Variants in RALGAPA2 observed in about 807,000 individuals in gnomAD.
RALGAPA2 encodes the protein Ral GTPase activating protein catalytic subunit alpha 2, also known as ral GTPase-activating protein subunit alpha-2.
A neutral mutation model predicts 230.4 loss-of-function variants in RALGAPA2; 139 were observed. That is an observed-to-expected ratio of 0.60 (90% CI 0.53 to 0.69). The LOEUF (loss-of-function observed/expected upper bound fraction) is 0.69. Among genes scored for constraint, RALGAPA2 ranks in the 30% least tolerant of loss-of-function variants. The pLI is 0.00. For missense variants in RALGAPA2, 2,163 were observed against 2,276.0 expected, an observed-to-expected ratio of 0.95 and a Z score of 1.01; for synonymous variants, 847 against 837.8, an observed-to-expected ratio of 1.01 and a Z score of -0.19.
rs867226299 is a variant in RALGAPA2 at position 20,575,405 on chromosome 20, G to T, written c.2708-2337C>A. ...CCTCAGATATATGTATGTTGAGTTT[G>T]TTTTTTTTTTTTTTCCTGGAATTCA... is the stretch of plus-strand genomic sequence containing the variant. On this transcript the variant is annotated intron_variant, in intron 20 of 39. Transcript: ENST00000202677. Among the ~76,000 whole-genome samples, 1,177 of 138,946 alleles carry T rather than the reference G, an allele frequency of 8.5e-3. 17 individuals carry two copies. Among genetic ancestry groups the T allele is most frequent in the South Asian group, 0.063 (273 of 4,308 alleles). The allele number at this position is 138,946 out of a possible 152,430, so 91.2% of individuals were successfully genotyped here. A position where few individuals can be genotyped will look rare whatever the true frequency, so the allele number is the denominator to read the frequency against.
intron 1 of RALGAPA2, among the ~76,000 whole-genome samples, chr20:20,710,095 T>C (rs1023861682): frequency 6.6e-6 from 1 of 152,154 alleles, no homozygotes. Context: ...GCTCAAGTCA[T>C]GAAGCTGCAG....
intron 3 of RALGAPA2, among the ~76,000 whole-genome samples, chr20:20,662,346 C>T (rs7265216): frequency 0.011 from 1,687 of 151,764 alleles, 30 homozygotes; most frequent in African/African-American, 0.039. Context: ...TTTTAACACT[C>T]GAGTTAAAAA....
At position 20,459,407 on chromosome 20, in the gene RALGAPA2, G is replaced by A. The variant is rs372636013; in HGVS notation, c.5495+13422C>T. ...CAGTATATGCACTACTGAATGGCAT[G>A]CTTAAGAGGTTTTTTTGCTTTTTTT... On this transcript the variant is annotated intron_variant, in intron 37 of 39. Coordinates refer to ENST00000202677, the MANE Select transcript of RALGAPA2 (RefSeq NM_020343.4). Among the ~76,000 whole-genome samples, 21 of 150,360 alleles carry A rather than the reference G, an allele frequency of 1.4e-4. No homozygotes were observed. The East Asian group carries it at 2.3e-3, about 17-fold the overall frequency.
chr20:20,541,362 A>G (rs2063637333), intron 24 of RALGAPA2, among the ~76,000 whole-genome samples: 1 of 152,206 alleles, frequency 6.6e-6, no homozygotes, highest in Admixed American at 6.5e-5. Flanking sequence ...TTAATTTATA[A>G]ATTAGGCAGA....
Position 20,531,717 on chromosome 20 carries a change from C to T in RALGAPA2, c.3552G>A (p.Glu1184=), listed in dbSNP as rs763632626. Residue 1184 remains glutamate, a synonymous_variant, in exon 27 of 40, where the codon GAG becomes GAA. Coordinates refer to ENST00000202677, the MANE Select transcript of RALGAPA2 (RefSeq NM_020343.4). ...AQCTSHPQVK[E]AINVIGVTLK... ...GAGTTACTCCTATCACATTGATGGC[C>T]TCTTTCACCTGAGGGTGGCTTGTAC... 1.1e-5 allele frequency: 18 copies of T among 1,607,808 alleles called. No homozygotes were observed. The Admixed American group carries it at 2.5e-4, about 23-fold the overall frequency.
intron 37 of RALGAPA2, among the ~76,000 whole-genome samples, chr20:20,460,027 C>T (rs2061264952): frequency 6.6e-6 from 1 of 152,208 alleles, no homozygotes; most frequent in African/African-American, 2.4e-5. Context: ...TCACCTCTGC[C>T]TGCCCTCTAC....
chr20:20,665,198 T>A (rs2067920555), intron 3 of RALGAPA2, among the ~76,000 whole-genome samples: 1 of 152,190 alleles, frequency 6.6e-6, no homozygotes, highest in Admixed American at 6.5e-5. Context: ...ATAAACATGC[T>A]CAGGTTTCAG....
At chr20:20,530,937 C>T (rs2063352203) in intron 27 of RALGAPA2, among the ~76,000 whole-genome samples, 1 of 152,176 alleles carries the variant, frequency 6.6e-6, no homozygotes, top group Non-Finnish European at 1.5e-5. Flanking sequence ...TTTATTACCA[C>T]CATTTCCAAG....
intron 37 of RALGAPA2, among the ~76,000 whole-genome samples, chr20:20,454,463 T>G (rs979854308): frequency 2.0e-5 from 3 of 152,234 alleles, no homozygotes; most frequent in African/African-American, 7.2e-5. Context: ...AAACCCTGGT[T>G]CAAACTTGTC....
chr20:20,534,300 C>T (rs1444803596), intron 26 of RALGAPA2, among the ~76,000 whole-genome samples: 1 of 152,096 alleles, frequency 6.6e-6, no homozygotes, highest in East Asian at 1.9e-4. Context: ...AAAAAATTAG[C>T]CGGGCATGGT....
chr20:20,422,666 T>A (rs1245388700), intron 37 of RALGAPA2, among the ~76,000 whole-genome samples: 1 of 152,090 alleles, frequency 6.6e-6, no homozygotes, highest in East Asian at 1.9e-4. Context: ...ACTGAACACA[T>A]GAGAGAACAA....
intron 37 of RALGAPA2, 131 bp from the exon 38 acceptor site, chr20:20,412,279 G>T: frequency 7.9e-7 from 1 of 1,261,236 alleles, no homozygotes; most frequent in Non-Finnish European, 1.1e-6. Flanking sequence ...TTACCATCTT[G>T]CAGAAAATTA....
intron 3 of RALGAPA2, among the ~76,000 whole-genome samples, chr20:20,674,005 T>C (rs1012511855): frequency 5.3e-5 from 8 of 151,850 alleles, no homozygotes; most frequent in Non-Finnish European, 1.2e-4. Context: ...CTAGACAACA[T>C]AGGGAGACCC....
At position 20,398,205 on chromosome 20, in the gene RALGAPA2, CTCTT is replaced by C. The variant is rs2059758914; in HGVS notation, c.5618-1475_5618-1472del. Among the ~76,000 whole-genome samples the C allele has an allele frequency of 6.6e-6, 1 of 152,198 alleles. No individual in the cohort carries two copies. The highest frequency in any genetic ancestry group is 1.5e-5 in the Non-Finnish European group (1 of 68,040). On this transcript the variant is annotated intron_variant, in intron 38 of 39. Coordinates refer to ENST00000202677, the MANE Select transcript of RALGAPA2 (RefSeq NM_020343.4). This position sits in a 1 kb window ranked among gnomAD's most constrained non-coding sequence, Gnocchi z 4.5. Reference sequence around the variant, plus strand: ...ACACCCTCCAGTGTGAGCAAAGGGTCTCTTTATGAAGGCGCTCCTTGATCTCACT... The same window carrying C: ...ACACCCTCCAGTGTGAGCAAAGGGTCTATGAAGGCGCTCCTTGATCTCACT...
chr20:20,539,207 C>T (rs530250738), intron 24 of RALGAPA2, among the ~76,000 whole-genome samples: 1 of 152,100 alleles, frequency 6.6e-6, no homozygotes, highest in Non-Finnish European at 1.5e-5. Context: ...TCCTCCCCCA[C>T]TGCCTCAGTG....
At chr20:20,692,895 GA>G (rs1263216780) in intron 1 of RALGAPA2, among the ~76,000 whole-genome samples, 2 of 152,154 alleles carry the variant, frequency 1.3e-5, no homozygotes. Context: ...ATAGGAGAAA[GA>G]AATTCTTATT....
At chr20:20,536,932 G>A in intron 24 of RALGAPA2, 148 bp from the exon 25 acceptor site, 1 of 961,402 alleles carries the variant, frequency 1.0e-6, no homozygotes, top group Non-Finnish European at 1.5e-6. Context: ...AGCAAAAGAG[G>A]TTTGCCTAAA....
intron 33 of RALGAPA2, among the ~76,000 whole-genome samples, chr20:20,507,981 A>T (rs1009528100): frequency 1.3e-5 from 2 of 152,218 alleles, no homozygotes. Flanking sequence ...ACATACATAA[A>T]AACAGCCTCA....
chr20:20,655,436 A>G (rs1228419050), intron 3 of RALGAPA2, among the ~76,000 whole-genome samples: 2 of 152,166 alleles, frequency 1.3e-5, no homozygotes, highest in African/African-American at 4.8e-5. Flanking sequence ...CCTGGAAATG[A>G]GGACACTTGA....
Sources: allele counts gnomAD v4.1 joint callset (sites outside exome capture counted in the v4.1 genomes callset), GRCh38; gene constraint gnomAD v4.1.1; non-coding constraint Gnocchi (gnomAD v3.1); transcripts MANE v1.5; gene names NCBI Gene and HGNC (gene_info 2026-07-23, HGNC 2026-07-21).